Variants in TRAPPC9 observed in about 807,000 individuals in gnomAD.
TRAPPC9 encodes IKK2 binding protein.
Under a neutral mutation model 124.0 loss-of-function variants are expected in TRAPPC9, and 83 were observed. The ratio of observed to expected loss-of-function variants is 0.67; its 90% CI spans 0.56 to 0.80. TRAPPC9 has a LOEUF of 0.80. Among genes scored for constraint, TRAPPC9 ranks in the 30% least tolerant of loss-of-function variants. The probability of loss-of-function intolerance (pLI) is 0.00; values close to 1 mark genes in which losing one functional copy is unlikely to be tolerated. For missense variants in TRAPPC9, 1,302 were observed against 1,508.3 expected (o/e 0.86, Z 2.27); for synonymous variants, 638 against 617.5 (o/e 1.03, Z -0.49).
intron 17 of TRAPPC9, among the ~76,000 whole-genome samples, chr8:140,048,527 A>G (rs1031289837): frequency 2.6e-5 from 4 of 152,086 alleles, no homozygotes; most frequent in Non-Finnish European, 2.9e-5. Flanking sequence ...CCATCCATGA[A>G]GTGGAGACCA....
intron 21 of TRAPPC9, among the ~76,000 whole-genome samples, chr8:139,804,133 ACACCCACCAC>A (rs1823779860): frequency 1.5e-5 from 2 of 129,914 alleles, no homozygotes; most frequent in Non-Finnish European, 3.3e-5. Flanking sequence ...CACCACACAC[ACACCCACCAC>A]CACCCACCAC....
rs1162364645 is a variant in TRAPPC9, at chr8:140,244,800, C to CTTTT, written c.2431+7973_2431+7976dup. ...ATTATTACTAAGGTGTTTCCAATTCCTTTTTTTTTTTTTTTTTTTTTTTTT... is the reference window on the plus strand; with the variant it reads ...ATTATTACTAAGGTGTTTCCAATTCCTTTTTTTTTTTTTTTTTTTTTTTTTTTTT... On this transcript the variant is annotated intron_variant, in intron 16 of 22. Transcript: ENST00000438773. Among the ~76,000 whole-genome samples the CTTTT allele has an allele frequency of 2.7e-4, 24 of 90,174 alleles. 1 individual carries two copies. The highest frequency in any genetic ancestry group is 5.0e-4 in the African/African-American group (10 of 20,088). 59.2% of individuals were successfully genotyped at this position (90,174 alleles called of 152,430 possible).
chr8:140,127,697 G>C (rs2061123910), intron 17 of TRAPPC9, among the ~76,000 whole-genome samples: 1 of 152,162 alleles, frequency 6.6e-6, no homozygotes, highest in South Asian at 2.1e-4. Context: ...AACATTAAAG[G>C]AGATACGTTC....
intron 17 of TRAPPC9, among the ~76,000 whole-genome samples, chr8:140,093,849 G>A (rs1047878253): frequency 2.6e-5 from 4 of 152,228 alleles, no homozygotes; most frequent in African/African-American, 9.6e-5. Flanking sequence ...TCCCAACCAT[G>A]GCCACACACC....
At chr8:140,194,389 C>T (rs75679391) in intron 17 of TRAPPC9, among the ~76,000 whole-genome samples, 1 of 152,092 alleles carries the variant, frequency 6.6e-6, no homozygotes, top group Non-Finnish European at 1.5e-5. Context: ...GTATAACTTA[C>T]TCTCTAGATT....
At chr8:140,197,195 A>G (rs1022937251) in intron 17 of TRAPPC9, among the ~76,000 whole-genome samples, 15 of 152,352 alleles carry the variant, frequency 9.8e-5, no homozygotes, top group African/African-American at 3.6e-4. Flanking sequence ...AGATAGAGAA[A>G]AGGAGAGAGA....
chr8:140,184,983 T>G (rs1388392849), intron 17 of TRAPPC9, among the ~76,000 whole-genome samples: 1 of 152,184 alleles, frequency 6.6e-6, no homozygotes, highest in Non-Finnish European at 1.5e-5. Context: ...TAAAATAATT[T>G]TTTATTCTTA....
intron 21 of TRAPPC9, among the ~76,000 whole-genome samples, chr8:139,779,173 TAAG>T (rs1821600886): frequency 6.6e-6 from 1 of 152,130 alleles, no homozygotes; most frequent in South Asian, 2.1e-4. Context: ...ACAAACAATG[TAAG>T]AGAAGTGACA....
In TRAPPC9 at chr8:140,168,164, A is replaced by T. The variant is rs953821393; in HGVS notation, c.2556+53295T>A. Among the ~76,000 whole-genome samples the T allele has an allele frequency of 2.0e-5, 3 of 152,238 alleles. No homozygotes were observed. In the East Asian group the frequency reaches 5.8e-4, roughly 29 times the overall value. ...GTTAAAGGTATCTAGGTATCTTATT[A>T]GTGTGGCAACTTTGTCATTTTGTCA... On this transcript the variant is annotated intron_variant, in intron 17 of 22. Transcript: ENST00000438773.
chr8:140,224,020 G>A (rs2063394710), intron 16 of TRAPPC9, among the ~76,000 whole-genome samples: 1 of 152,198 alleles, frequency 6.6e-6, no homozygotes, highest in Admixed American at 6.5e-5. Flanking sequence ...ATCTGTTTCT[G>A]TTGGTGGTGC....
chr8:140,379,100 G>T (rs1479148659), intron 7 of TRAPPC9, among the ~76,000 whole-genome samples: 1 of 150,802 alleles, frequency 6.6e-6, no homozygotes, highest in Admixed American at 6.6e-5. Context: ...ACTATTAACA[G>T]ACTTTTTTTT....
At position 140,216,843 on chromosome 8, in the gene TRAPPC9, G is replaced by A. The variant is rs1279164526; in HGVS notation, c.2556+4616C>T. ...ACTTCCTCCGTGCAGCCATAGCAAC[G>A]AGGATCACCTGTATTCTAACCACTT... On this transcript the variant is annotated intron_variant, in intron 17 of 22. Coordinates refer to ENST00000438773, the MANE Select transcript of TRAPPC9 (RefSeq NM_001160372.4). The surrounding 1 kb of genome is among the most constrained non-coding windows in gnomAD (Gnocchi z 4.1). Among the ~76,000 whole-genome samples, 5 of 152,300 alleles carry A rather than the reference G, an allele frequency of 3.3e-5. No homozygotes were observed. The South Asian group carries it at 6.2e-4, about 19-fold the overall frequency.
intron 7 of TRAPPC9, among the ~76,000 whole-genome samples, chr8:140,382,741 T>C (rs1056772051): frequency 2.0e-5 from 3 of 152,206 alleles, no homozygotes; most frequent in Non-Finnish European, 4.4e-5. Flanking sequence ...GGACAGGGCA[T>C]AGCCAAACAA....
intron 17 of TRAPPC9, among the ~76,000 whole-genome samples, chr8:140,156,966 CATTCAAAA>C (rs1395651184): frequency 2.2e-5 from 3 of 135,966 alleles, no homozygotes; most frequent in African/African-American, 8.5e-5. Flanking sequence ...CTCCCTTTTC[CATTCAAAA>C]GCCTCCCTTT....
rs1278496399 is a variant in TRAPPC9, at chr8:140,182,056, C to T, written c.2556+39403G>A. On this transcript the variant is annotated intron_variant, in intron 17 of 22. Transcript: ENST00000438773. The surrounding 1 kb of genome is among the most constrained non-coding windows in gnomAD (Gnocchi z 4.0). Reference sequence around the variant, plus strand: ...TTCATGACTCAGTACCAGGGAGCTGCAGCCTGAACTCCCTTCTTTACATCA... The same window carrying T: ...TTCATGACTCAGTACCAGGGAGCTGTAGCCTGAACTCCCTTCTTTACATCA... Among the ~76,000 whole-genome samples, 1 of 152,166 alleles carries T rather than the reference C, an allele frequency of 6.6e-6. No homozygotes were observed. Among genetic ancestry groups the T allele is most frequent in the African/African-American group, 2.4e-5 (1 of 41,432 alleles).
At chr8:139,773,763 G>C (rs1008844633) in intron 21 of TRAPPC9, among the ~76,000 whole-genome samples, 1 of 152,146 alleles carries the variant, frequency 6.6e-6, no homozygotes, top group Non-Finnish European at 1.5e-5. Flanking sequence ...GCCTGAAACC[G>C]ACCAACCAAT....
intron 19 of TRAPPC9, among the ~76,000 whole-genome samples, chr8:139,918,073 C>A (rs1440098299): frequency 2.6e-5 from 4 of 152,220 alleles, no homozygotes; most frequent in African/African-American, 9.6e-5. Flanking sequence ...GAGGTGCAAG[C>A]ATGAGACAGA....
intron 21 of TRAPPC9, among the ~76,000 whole-genome samples, chr8:139,766,844 C>G (rs1820616860): frequency 6.6e-6 from 1 of 152,272 alleles, no homozygotes; most frequent in Non-Finnish European, 1.5e-5. Context: ...AATGTCACAT[C>G]CTTTGGGAAT....
At chr8:140,019,617 A>G (rs1167548602) in intron 18 of TRAPPC9, among the ~76,000 whole-genome samples, 7 of 130,796 alleles carry the variant, frequency 5.4e-5, no homozygotes, top group Non-Finnish European at 1.1e-4. Flanking sequence ...CAGTGGTGCA[A>G]TCTTGGCTCA....
Sources: allele counts gnomAD v4.1 joint callset (sites outside exome capture counted in the v4.1 genomes callset), GRCh38; gene constraint gnomAD v4.1.1; non-coding constraint Gnocchi (gnomAD v3.1); transcripts MANE v1.5; gene names NCBI Gene and HGNC (gene_info 2026-07-23, HGNC 2026-07-21).